Variants in NDFIP2 observed in about 807,000 individuals in gnomAD.
NDFIP2 encodes NEDD4 family-interacting protein 2.
In NDFIP2, 19 loss-of-function variants were observed where a neutral mutation model predicts 36.0. The observed-to-expected ratio is 0.53, with a 90% CI of 0.37 to 0.77. The LOEUF is 0.77. Ranked by LOEUF, NDFIP2 falls within the 30% of genes least tolerant of loss-of-function variation. NDFIP2 has a pLI of 0.00. For synonymous variants in NDFIP2, 181 were observed against 167.7 expected (o/e 1.08, Z -0.61); for missense variants, 446 against 435.8 (o/e 1.02, Z -0.21).
chr13:79,486,223 T>A (rs1872981200), intron 1 of NDFIP2, among the ~76,000 whole-genome samples: 1 of 152,204 alleles, frequency 6.6e-6, no homozygotes, highest in Admixed American at 6.5e-5. Context: ...TCAACCTGTA[T>A]AAATTTTTTG....
intron 3 of NDFIP2, among the ~76,000 whole-genome samples, chr13:79,534,357 T>TG (rs891476271): frequency 6.7e-6 from 1 of 148,208 alleles, no homozygotes; most frequent in African/African-American, 2.5e-5. Context: ...GCTGTTTTTT[T>TG]TTTTTTTTTT....
chr13:79,550,792 A>G (rs1208174598), intron 6 of NDFIP2, among the ~76,000 whole-genome samples: 1 of 151,496 alleles, frequency 6.6e-6, no homozygotes, highest in African/African-American at 2.4e-5. Context: ...TTATAGCTAG[A>G]TTTGCTTTAA....
intron 2 of NDFIP2, among the ~76,000 whole-genome samples, chr13:79,521,431 G>A (rs1023574882): frequency 6.6e-6 from 1 of 152,116 alleles, no homozygotes; most frequent in Non-Finnish European, 1.5e-5. Context: ...GTGTGATTTA[G>A]TATACTATCT....
intron 1 of NDFIP2, among the ~76,000 whole-genome samples, chr13:79,511,137 C>T (rs1167193225): frequency 3.3e-5 from 5 of 152,008 alleles, no homozygotes; most frequent in East Asian, 1.9e-4. Flanking sequence ...GATTGGACAA[C>T]GGAAGGCCCT....
At chr13:79,532,006 GACGTGTGACAAA>G (rs1875036293) in intron 2 of NDFIP2, among the ~76,000 whole-genome samples, 1 of 152,204 alleles carries the variant, frequency 6.6e-6, no homozygotes, top group Non-Finnish European at 1.5e-5. Context: ...TAGAGTGAGA[GACGTGTGACAAA>G]ACACGTACAG....
intron 1 of NDFIP2, among the ~76,000 whole-genome samples, chr13:79,514,787 G>A (rs7990250): frequency 0.4 from 60,453 of 151,974 alleles, 12,741 homozygotes; most frequent in East Asian, 0.63. Context: ...TTTGTTTTCT[G>A]TTCTTTCATC....
intron 2 of NDFIP2, among the ~76,000 whole-genome samples, chr13:79,525,941 C>A (rs183756339): frequency 7.6e-4 from 116 of 152,284 alleles, no homozygotes; most frequent in South Asian, 1.7e-3. Flanking sequence ...TTCTGAAATA[C>A]ACACTTTTCA....
rs942744076 is a variant in NDFIP2 at position 79,481,394 on chromosome 13, C to T, written c.191C>T (p.Pro64Leu). 2 of 1,555,818 alleles carry T rather than the reference C, an allele frequency of 1.3e-6. No individual in the cohort carries two copies. The highest frequency in any genetic ancestry group is 1.4e-5 in the African/African-American group (1 of 73,772). Residue 64 changes from proline (P) to leucine (L), a missense_variant, in exon 1 of 8, where the codon CCT becomes CTT. Pro to Leu is a moderately conservative substitution (Grantham distance 98, BLOSUM62 -3). This residue lies in a region of NDFIP2 where 369 missense variants were observed against 304.8 expected (regional missense o/e 1.21). Coordinates refer to ENST00000218652, the MANE Select transcript of NDFIP2 (RefSeq NM_019080.3). ...RGCRNGGGRG[P>L]AATTSSTGVA... ...TGCAGGAACGGAGGCGGAAGGGGCCCTGCGGCGACGACGTCGTCGACGGGG... is the reference window on the plus strand; with the variant it reads ...TGCAGGAACGGAGGCGGAAGGGGCCTTGCGGCGACGACGTCGTCGACGGGG...
intron 5 of NDFIP2, among the ~76,000 whole-genome samples, chr13:79,544,147 T>C (rs1680388967): frequency 6.6e-6 from 1 of 152,206 alleles, no homozygotes; most frequent in Non-Finnish European, 1.5e-5. Context: ...CATAAAAATT[T>C]CTCGTTTAGT....
intron 1 of NDFIP2, among the ~76,000 whole-genome samples, chr13:79,495,244 A>G (rs1873392621): frequency 6.6e-6 from 1 of 151,824 alleles, no homozygotes. Flanking sequence ...CAGGTTCATA[A>G]TATTGTTCTG....
At chr13:79,542,505 G>GTTTTTTTTTTTTTTTT (rs1454824183) in intron 4 of NDFIP2, among the ~76,000 whole-genome samples, 1 of 149,312 alleles carries the variant, frequency 6.7e-6, no homozygotes, top group African/African-American at 2.5e-5. Context: ...GTGTTGTTCT[G>GTTTTTTTTTTTTTTTT]TTTTTTGTTT....
Position 79,504,542 on chromosome 13 carries a change from GA to G in NDFIP2, c.322-16262del, listed in dbSNP as rs539037981. ...TTCCTACTAATGTCACATAGCAAAAGAAAAAACATTTTTATAAAAAATTGAG... is the reference window on the plus strand; with the variant it reads ...TTCCTACTAATGTCACATAGCAAAAGAAAAACATTTTTATAAAAAATTGAG... On this transcript the variant is annotated intron_variant, in intron 1 of 7. Coordinates refer to ENST00000218652, the MANE Select transcript of NDFIP2 (RefSeq NM_019080.3). 5.9e-5 allele frequency among the ~76,000 whole-genome samples: 9 copies of G among 151,628 alleles called. No homozygotes were observed. In the South Asian group the frequency reaches 1.7e-3, roughly 28 times the overall value.
chr13:79,486,239 T>C (rs1046547998), intron 1 of NDFIP2, among the ~76,000 whole-genome samples: 3 of 152,212 alleles, frequency 2.0e-5, no homozygotes, highest in Non-Finnish European at 2.9e-5. Context: ...TTTTGTTCTT[T>C]TGCTCAAAAA....
intron 1 of NDFIP2, among the ~76,000 whole-genome samples, chr13:79,514,218 T>C (rs1439031811): frequency 6.6e-6 from 1 of 152,192 alleles, no homozygotes; most frequent in African/African-American, 2.4e-5. Context: ...TTAAGAAAAG[T>C]AGTACTAGCT....
chr13:79,505,400 CAG>C (rs138356058), intron 1 of NDFIP2, among the ~76,000 whole-genome samples: 4,006 of 152,154 alleles, frequency 0.026, 174 homozygotes, highest in African/African-American at 0.092. Context: ...GAGGCCAACA[CAG>C]GGGTATTGCT....
rs1454431314 is a variant in NDFIP2, at chr13:79,556,016, T to A, written c.*3503T>A. ...CATCTTTTAACTTCTCAGTTATTTG[T>A]ATGTCAGGAGACAGATTGTGGTTTA... On this transcript the variant is annotated 3_prime_UTR_variant, in exon 8 of 8. Coordinates refer to ENST00000218652, the MANE Select transcript of NDFIP2 (RefSeq NM_019080.3). 2 of 152,204 alleles carry A rather than the reference T, an allele frequency of 1.3e-5. No individual in the cohort carries two copies. Among genetic ancestry groups the A allele is most frequent in the East Asian group, 3.8e-4 (2 of 5,202 alleles). The allele number at this position is 152,204 out of a possible 1,614,324, so 9.4% of individuals were successfully genotyped here. A position where few individuals can be genotyped will look rare whatever the true frequency, so the allele number is the denominator to read the frequency against.
At chr13:79,537,433 C>T (rs1875285936) in intron 3 of NDFIP2, among the ~76,000 whole-genome samples, 1 of 152,094 alleles carries the variant, frequency 6.6e-6, no homozygotes, top group Non-Finnish European at 1.5e-5. Flanking sequence ...TTAAAATACA[C>T]AGTATGAAAT....
chr13:79,481,426 G>C lies in NDFIP2; in HGVS notation c.223G>C (p.Val75Leu), dbSNP rs1458084568. The C allele has an allele frequency of 6.4e-7, 1 of 1,559,736 alleles. No individual in the cohort carries two copies. The highest frequency in any genetic ancestry group is 8.7e-7 in the Non-Finnish European group (1 of 1,151,562). Residue 75 changes from valine (V) to leucine (L), a missense_variant, in exon 1 of 8, where the codon GTG becomes CTG. By Grantham distance (32) the Val-to-Leu change is conservative (BLOSUM62 1). Transcript: ENST00000218652. The part of the protein sequence containing the change: ...AATTSSTGVA[V>L]GAEHGEDSLS... ...GACGACGTCGTCGACGGGGGTGGCC[G>C]TGGGAGCTGAGCACGGAGAAGACTC...
At chr13:79,532,000 G>A (rs1011555673) in intron 2 of NDFIP2, among the ~76,000 whole-genome samples, 1 of 152,204 alleles carries the variant, frequency 6.6e-6, no homozygotes, top group African/African-American at 2.4e-5. Context: ...TTGAATTAGA[G>A]TGAGAGACGT....
Sources: gnomAD v4.1 joint callset for allele counts (sites outside exome capture counted in the v4.1 genomes callset) on GRCh38, gnomAD v4.1.1 for gene constraint, gnomAD v4.1.1 regional missense constraint, MANE v1.5 for transcripts, NCBI Gene and HGNC (gene_info 2026-07-23, HGNC 2026-07-21) for gene names.